RGS3: variants seen among roughly 807,000 people sequenced by gnomAD.
The protein encoded by RGS3 is regulator of G protein signaling 3, also known as regulator of G-protein signalling 3.
RGS3 carries 80 observed loss-of-function variants against 132.6 expected under a neutral mutation model. The ratio of observed to expected loss-of-function variants is 0.60; its 90% CI spans 0.50 to 0.73. The LOEUF (loss-of-function observed/expected upper bound fraction) is 0.73. RGS3 is among the 30% of genes least tolerant of loss of function. The probability of loss-of-function intolerance (pLI) is 0.00; values close to 1 mark genes in which losing one functional copy is unlikely to be tolerated. For synonymous variants in RGS3, 598 were observed against 620.6 expected (o/e 0.96, Z 0.54); for missense variants, 1,382 against 1,530.8 (o/e 0.90, Z 1.62).
intron 10 of RGS3, chr9:113,501,309 G>C (rs190856725): frequency 2.2e-6 from 2 of 905,784 alleles, no homozygotes; most frequent in East Asian, 5.6e-5. Flanking sequence ...CGCCGGGCCC[G>C]GGGAATACTA....
chr9:113,527,702 G>A (rs1218911243), intron 17 of RGS3, among the ~76,000 whole-genome samples: 1 of 152,190 alleles, frequency 6.6e-6, no homozygotes, highest in African/African-American at 2.4e-5. Context: ...CTTCGAGGGG[G>A]CCTGGCCTTC....
intron 7 of RGS3, among the ~76,000 whole-genome samples, chr9:113,493,339 C>A (rs1478321270): frequency 6.6e-6 from 1 of 152,082 alleles, no homozygotes; most frequent in African/African-American, 2.4e-5. Context: ...ATTAATAGAG[C>A]CTTGGATGAT....
At chr9:113,561,159 G>A (rs1833764034) in intron 19 of RGS3, among the ~76,000 whole-genome samples, 1 of 152,072 alleles carries the variant, frequency 6.6e-6, no homozygotes, top group Non-Finnish European at 1.5e-5. Flanking sequence ...AAGTAGCTGG[G>A]ATTAGAGGCA....
chr9:113,567,239 C>T (rs1300042484), intron 19 of RGS3, among the ~76,000 whole-genome samples: 5 of 151,918 alleles, frequency 3.3e-5, no homozygotes, highest in Admixed American at 6.6e-5. Context: ...CCTCCCCTCC[C>T]CTCCCCCTCC....
chr9:113,445,300 C>T (rs377525878), intron 1 of RGS3, among the ~76,000 whole-genome samples: 1 of 151,914 alleles, frequency 6.6e-6, no homozygotes, highest in East Asian at 1.9e-4. Context: ...CGGGTTCAAG[C>T]GATTCTCCTG....
intron 19 of RGS3, among the ~76,000 whole-genome samples, chr9:113,577,380 A>G (rs1834581300): frequency 6.6e-6 from 1 of 152,232 alleles, no homozygotes; most frequent in East Asian, 1.9e-4. Flanking sequence ...CTCCCTAGTA[A>G]AAAGATCCTT....
In RGS3 at chr9:113,597,196, T is replaced by A. The variant is rs905291098; in HGVS notation, c.*243T>A. On this transcript the variant is annotated 3_prime_UTR_variant, in exon 25 of 25. Coordinates refer to ENST00000350696, the Ensembl canonical transcript of RGS3. ...CGAGGGGGCCCAAGACCCTGGCAGG[T>A]CAGGGGCCCTGGCCAAGCCAGATCT... 6 of 436,574 alleles carry A rather than the reference T, an allele frequency of 1.4e-5. No individual in the cohort carries two copies. In the Admixed American group the frequency reaches 2.5e-4, roughly 18 times the overall value. The allele number at this position is 436,574 out of a possible 1,614,324, so 27.0% of individuals were successfully genotyped here.
chr9:113,488,657 C>A (rs1830411584), intron 7 of RGS3, among the ~76,000 whole-genome samples: 1 of 152,182 alleles, frequency 6.6e-6, no homozygotes, highest in Non-Finnish European at 1.5e-5. Context: ...CGTCATGGGG[C>A]AGTGTCTCCA....
Position 113,483,090 on chromosome 9 carries a change from G to A in RGS3, c.498G>A (p.Gln166=), listed in dbSNP as rs778376374. Residue 166 remains glutamine (Q), a synonymous_variant, in exon 5 of 25, where the codon CAG becomes CAA. Coordinates refer to ENST00000350696, the Ensembl canonical transcript of RGS3. ...AAGGTAAAGGCCTGATCAGCAAACA[G>A]CCTGGCACCTGTGATCCGTATGTGA... 5.6e-6 allele frequency: 9 copies of A among 1,613,630 alleles called. 1 individual carries two copies. The highest frequency in any genetic ancestry group is 1.7e-4 in the Middle Eastern group (1 of 6,058).
intron 1 of RGS3, among the ~76,000 whole-genome samples, chr9:113,449,551 C>G (rs1829192350): frequency 6.6e-6 from 1 of 152,122 alleles, no homozygotes; most frequent in East Asian, 1.9e-4. Context: ...TTCTTCCACT[C>G]TGAAAATACG....
intron 19 of RGS3, among the ~76,000 whole-genome samples, chr9:113,551,455 G>A (rs1833336385): frequency 6.6e-6 from 1 of 152,136 alleles, no homozygotes; most frequent in African/African-American, 2.4e-5. Flanking sequence ...TTTTTTGTAT[G>A]GACATATATT....
At chr9:113,557,609 A>C (rs953244602) in intron 19 of RGS3, among the ~76,000 whole-genome samples, 1 of 152,178 alleles carries the variant, frequency 6.6e-6, no homozygotes, top group Non-Finnish European at 1.5e-5. Flanking sequence ...GATGTCGTCT[A>C]CTTCTCGGCT....
intron 10 of RGS3, chr9:113,501,430 G>C: frequency 6.8e-7 from 1 of 1,474,670 alleles, no homozygotes; most frequent in East Asian, 2.5e-5. Flanking sequence ...ACAGGGCTTG[G>C]GGAGGTGAGA....
At chr9:113,455,243 T>C (rs1212944100) in intron 1 of RGS3, among the ~76,000 whole-genome samples, 1 of 152,244 alleles carries the variant, frequency 6.6e-6, no homozygotes, top group Non-Finnish European at 1.5e-5. Flanking sequence ...TGTCCAGTCT[T>C]TTAGTTGTTT....
intron 1 of RGS3, among the ~76,000 whole-genome samples, chr9:113,454,947 G>T (rs1203086052): frequency 2.0e-5 from 3 of 152,138 alleles, no homozygotes; most frequent in African/African-American, 7.2e-5. Flanking sequence ...TTAGCACTTA[G>T]CTGAAGTTGT....
Position 113,507,420 on chromosome 9 carries a change from GAGA to G in RGS3, c.1224_1226del (p.Lys408del), listed in dbSNP as rs1387501444. ...CCTCCAGTCACCCCCCAACAAACGG[GAGA>G]AGAACTGCACCCATGGGGTCCAGGC... On this transcript the variant is annotated inframe_deletion, in exon 13 of 25. Coordinates refer to ENST00000350696, the Ensembl canonical transcript of RGS3. This position sits in a 1 kb window ranked among gnomAD's most constrained non-coding sequence, Gnocchi z 5.0. 1 of 1,613,956 alleles carries G rather than the reference GAGA, an allele frequency of 6.2e-7. No homozygotes were observed. Among genetic ancestry groups the G allele is most frequent in the Admixed American group, 1.7e-5 (1 of 60,030 alleles).
At chr9:113,455,619 G>A (rs1829347836), upstream of RGS3, among the ~76,000 whole-genome samples, 1 of 152,098 alleles carries the variant, frequency 6.6e-6, no homozygotes, top group African/African-American at 2.4e-5. Context: ...TCTTTTACTT[G>A]GTTCTCTTTA....
intron 6 of RGS3, 43 bp downstream of exon 4, chr9:113,484,275 G>T (rs749243305): frequency 9.5e-6 from 9 of 944,516 alleles, no homozygotes; most frequent in Non-Finnish European, 1.3e-5. Context: ...GAGAGGGAAG[G>T]AGTGTTTATC....
intron 3 of RGS3, among the ~76,000 whole-genome samples, chr9:113,473,065 G>A (rs1381012605): frequency 6.6e-6 from 1 of 152,060 alleles, no homozygotes. Flanking sequence ...CTGATGAAAT[G>A]TATGATATGT....
Sources: allele counts gnomAD v4.1 joint callset (sites outside exome capture counted in the v4.1 genomes callset), GRCh38; gene constraint gnomAD v4.1.1; non-coding constraint Gnocchi (gnomAD v3.1); transcripts MANE v1.5; gene names NCBI Gene and HGNC (gene_info 2026-07-23, HGNC 2026-07-21).